The following LRBA variants were observed in gnomAD, a reference collection of about 807,000 sequenced individuals.
LRBA encodes LPS responsive beige-like anchor protein, also known as lipopolysaccharide-responsive and beige-like anchor protein.
A neutral mutation model predicts 330.0 loss-of-function variants in LRBA; 176 were observed. The ratio of observed to expected loss-of-function variants is 0.53; its 90% CI spans 0.47 to 0.60. LRBA has a LOEUF of 0.60. LRBA is among the 20% of genes least tolerant of loss of function. LRBA has a pLI of 0.00. For synonymous variants in LRBA, 1,230 were observed against 1,193.0 expected (o/e 1.03, Z -0.64); for missense variants, 3,259 against 3,444.8 (o/e 0.95, Z 1.35).
intron 40 of LRBA, among the ~76,000 whole-genome samples, chr4:150,514,292 G>C (rs1762119484): frequency 1.3e-5 from 2 of 152,226 alleles, no homozygotes; most frequent in East Asian, 3.9e-4. Context: ...GGCTGGTCAT[G>C]AACTCCTGAC....
intron 2 of LRBA, among the ~76,000 whole-genome samples, chr4:150,987,264 C>G (rs1263979098): frequency 6.6e-6 from 1 of 152,052 alleles, no homozygotes; most frequent in Non-Finnish European, 1.5e-5. Context: ...ATGACAAGAG[C>G]AAAACAAAAA....
chr4:150,908,590 T>C, intron 10 of LRBA, 70 bp downstream of exon 10: 2 of 1,459,734 alleles, frequency 1.4e-6, no homozygotes, highest in Non-Finnish European at 1.9e-6. Flanking sequence ...TAACAGAAGC[T>C]ACCAAATACA....
Position 150,852,548 on chromosome 4 carries a change from T to G in LRBA, c.3162A>C (p.Ile1054=). Residue 1054 remains isoleucine (I), a synonymous_variant, in exon 23 of 57, where the codon ATA becomes ATC. Transcript: ENST00000651943. ...NADDLEVSSD[I]IEAVAISSNS... ...TAGAGGAAATAGCCACAGCTTCTAT[T>G]ATGTCAGAAGATACTTCTAAATCAT... 2 of 1,613,914 alleles carry G rather than the reference T, an allele frequency of 1.2e-6. No homozygotes were observed. The highest frequency in any genetic ancestry group is 1.7e-6 in the Non-Finnish European group (2 of 1,179,974).
intron 40 of LRBA, among the ~76,000 whole-genome samples, chr4:150,491,362 T>G (rs1237587884): frequency 1.3e-5 from 2 of 151,994 alleles, no homozygotes; most frequent in African/African-American, 2.4e-5. Flanking sequence ...AAAGTAAAAC[T>G]TCAGATAAAA....
At chr4:150,269,270 C>A (rs913517134) in intron 56 of LRBA, among the ~76,000 whole-genome samples, 9 of 152,162 alleles carry the variant, frequency 5.9e-5, no homozygotes. Context: ...TGTTACAATG[C>A]GACAGTAATC....
chr4:150,442,288 A>G (rs1751945032), intron 44 of LRBA, among the ~76,000 whole-genome samples: 1 of 152,226 alleles, frequency 6.6e-6, no homozygotes, highest in African/African-American at 2.4e-5. Flanking sequence ...GGGGTTAAAG[A>G]AAAGGAAAAA....
intron 13 of LRBA, among the ~76,000 whole-genome samples, chr4:150,903,665 G>A (rs181589620): frequency 6.1e-4 from 93 of 152,240 alleles, no homozygotes; most frequent in African/African-American, 2.1e-3. Flanking sequence ...ACCTGAGCTG[G>A]GGAGGCAGAA....
At chr4:150,672,278 A>G (rs1233984210) in intron 37 of LRBA, among the ~76,000 whole-genome samples, 1 of 152,070 alleles carries the variant, frequency 6.6e-6, no homozygotes, top group Non-Finnish European at 1.5e-5. Flanking sequence ...ATAGACAGCT[A>G]TAGTTCAGAA....
intron 44 of LRBA, among the ~76,000 whole-genome samples, chr4:150,466,326 C>T (rs771086793): frequency 6.6e-6 from 1 of 152,070 alleles, no homozygotes; most frequent in Admixed American, 6.6e-5. Flanking sequence ...GTAAAGGACA[C>T]TGGATATGTT....
At chr4:150,950,287 T>A (rs1279422042) in intron 2 of LRBA, among the ~76,000 whole-genome samples, 1 of 152,118 alleles carries the variant, frequency 6.6e-6, no homozygotes, top group African/African-American at 2.4e-5. Flanking sequence ...AACTCAAACA[T>A]CATAGGATAT....
chr4:150,352,273 C>A (rs1353017626), intron 47 of LRBA, among the ~76,000 whole-genome samples: 2 of 152,116 alleles, frequency 1.3e-5, no homozygotes, highest in African/African-American at 2.4e-5. Flanking sequence ...CGTTCCTATT[C>A]CTTTACATGT....
At chr4:150,840,038 C>A (rs958255470) in intron 28 of LRBA, among the ~76,000 whole-genome samples, 1 of 152,186 alleles carries the variant, frequency 6.6e-6, no homozygotes, top group African/African-American at 2.4e-5. Context: ...TATGAACCAA[C>A]CTCTGGTAGC....
rs560977398 is a variant in LRBA, at chr4:150,706,359, C to A, written c.5755-22642G>T. On this transcript the variant is annotated intron_variant, in intron 36 of 56. Transcript: ENST00000651943. ...ATAACAGTAGCATCTTAAATGAAAA[C>A]TTAGACTACCGGGTAGGTGGCATAG... Among the ~76,000 whole-genome samples the A allele has an allele frequency of 2.0e-5, 3 of 151,788 alleles. 1 individual carries two copies. In the East Asian group the frequency reaches 5.8e-4, roughly 29 times the overall value.
At chr4:150,313,227 CAT>C (rs1196889471) in intron 51 of LRBA, among the ~76,000 whole-genome samples, 1 of 151,586 alleles carries the variant, frequency 6.6e-6, no homozygotes, top group African/African-American at 2.4e-5. Context: ...GTGAAATTTC[CAT>C]ATGTTAAGGG....
intron 40 of LRBA, among the ~76,000 whole-genome samples, chr4:150,551,151 T>C (rs1766534926): frequency 6.6e-6 from 1 of 152,158 alleles, no homozygotes; most frequent in South Asian, 2.1e-4. Context: ...TCTCACATGC[T>C]CACTTGGTCT....
At chr4:150,439,064 T>C (rs1751493821) in intron 44 of LRBA, among the ~76,000 whole-genome samples, 1 of 152,218 alleles carries the variant, frequency 6.6e-6, no homozygotes, top group African/African-American at 2.4e-5. Flanking sequence ...AGAACCAATT[T>C]GAAATGCCTT....
intron 48 of LRBA, among the ~76,000 whole-genome samples, chr4:150,341,895 C>T (rs2127015313): frequency 6.6e-6 from 1 of 151,426 alleles, no homozygotes; most frequent in South Asian, 2.1e-4. Context: ...TGGGTGAATT[C>T]TGGATAAGGA....
chr4:150,842,675 ATAGCCTT>A (rs1749269302), intron 28 of LRBA, among the ~76,000 whole-genome samples: 1 of 152,250 alleles, frequency 6.6e-6, no homozygotes, highest in Admixed American at 6.5e-5. Flanking sequence ...AGAAGGTAGT[ATAGCCTT>A]TTAGTTAAGA....
chr4:150,315,718 CA>C, intron 50 of LRBA, 95 bp from the exon 51 acceptor site: 1 of 755,016 alleles, frequency 1.3e-6, no homozygotes, highest in South Asian at 2.0e-5. Context: ...GAATTGTTTC[CA>C]ATCTCTAAAT....
Sources: gnomAD v4.1 joint callset for allele counts (sites outside exome capture counted in the v4.1 genomes callset) on GRCh38, gnomAD v4.1.1 for gene constraint, MANE v1.5 for transcripts, NCBI Gene and HGNC (gene_info 2026-07-23, HGNC 2026-07-21) for gene names.